ASB7: variants seen among roughly 807,000 people sequenced by gnomAD.
ASB7 encodes the protein ankyrin repeat and SOCS box containing 7.
Under a neutral mutation model 32.5 loss-of-function variants are expected in ASB7, and 4 were observed. The observed-to-expected ratio is 0.12, with a 90% CI of 0.06 to 0.28. The LOEUF is 0.28. Ranked by LOEUF, ASB7 falls within the 10% of genes least tolerant of loss-of-function variation. ASB7 has a pLI of 1.00. For missense variants in ASB7, 181 were observed against 407.1 expected, an observed-to-expected ratio of 0.44 and a Z score of 4.78; for synonymous variants, 172 against 155.6, an observed-to-expected ratio of 1.11 and a Z score of -0.78.
intron 5 of ASB7, among the ~76,000 whole-genome samples, chr15:100,630,663 C>T (rs573787771): frequency 5.9e-5 from 9 of 152,184 alleles, no homozygotes; most frequent in African/African-American, 1.9e-4. Flanking sequence ...TGTATTTGAA[C>T]GTTTTTGTGT....
At chr15:100,633,499 C>T (rs923484068) in intron 5 of ASB7, among the ~76,000 whole-genome samples, 2 of 152,070 alleles carry the variant, frequency 1.3e-5, no homozygotes, top group Admixed American at 1.3e-4. Context: ...ATCGCTTGAA[C>T]CCAGGAGGCA....
chr15:100,632,327 G>GA (rs2141401669), intron 5 of ASB7, among the ~76,000 whole-genome samples: 1 of 152,298 alleles, frequency 6.6e-6, no homozygotes, highest in South Asian at 2.1e-4. Flanking sequence ...CGTCTGTTAA[G>GA]GCTCCAGTTG....
chr15:100,638,078 A>G (rs2039936687), intron 5 of ASB7, among the ~76,000 whole-genome samples: 1 of 152,154 alleles, frequency 6.6e-6, no homozygotes, highest in Non-Finnish European at 1.5e-5. Flanking sequence ...AGTATAACTG[A>G]CATAAAGATT....
chr15:100,630,305 A>C, intron 5 of ASB7: 1 of 725,778 alleles, frequency 1.4e-6, no homozygotes, highest in Non-Finnish European at 1.9e-6. Context: ...CAGAGAGGAG[A>C]ATTTTTTTTA....
chr15:100,643,713 T>G (rs1047696447), intron 5 of ASB7, among the ~76,000 whole-genome samples: 24 of 151,266 alleles, frequency 1.6e-4, no homozygotes, highest in Admixed American at 2.6e-4. Context: ...CAGGATGGTC[T>G]CAATCTCCTG....
At chr15:100,626,643 C>G (rs2039841237) in intron 4 of ASB7, among the ~76,000 whole-genome samples, 1 of 152,072 alleles carries the variant, frequency 6.6e-6, no homozygotes, top group South Asian at 2.1e-4. Context: ...CTCTCTCTCT[C>G]TCTGTCTGTC....
intron 5 of ASB7, among the ~76,000 whole-genome samples, chr15:100,637,021 A>G (rs10162740): frequency 0.33 from 50,123 of 152,182 alleles, 9,439 homozygotes; most frequent in South Asian, 0.5. Flanking sequence ...AGGAAAAGAC[A>G]TTCCAATTCC....
In ASB7 at chr15:100,649,135, C is replaced by T. The variant is rs1489608896; in HGVS notation, c.*673C>T. Reference sequence around the variant, plus strand: ...TACACTACCCTGAGACACTGCATCTCGATTTCTATCTCTAGTTAGAGTTGT... The same window carrying T: ...TACACTACCCTGAGACACTGCATCTTGATTTCTATCTCTAGTTAGAGTTGT... On this transcript the variant is annotated 3_prime_UTR_variant, in exon 6 of 6. Coordinates refer to ENST00000332783, the MANE Select transcript of ASB7 (RefSeq NM_198243.3). 1 of 152,454 alleles carries T rather than the reference C, an allele frequency of 6.6e-6. No individual in the cohort carries two copies. Among genetic ancestry groups the T allele is most frequent in the Non-Finnish European group, 1.5e-5 (1 of 68,024 alleles). The allele number at this position is 152,454 out of a possible 1,614,324, so 9.4% of individuals were successfully genotyped here.
Position 100,635,652 on chromosome 15 carries a change from C to T in ASB7, c.817+5610C>T, listed in dbSNP as rs566487903. Among the ~76,000 whole-genome samples the T allele has an allele frequency of 5.6e-4, 86 of 152,340 alleles. 1 individual carries two copies. Among genetic ancestry groups the T allele is most frequent in the Admixed American group, 9.2e-4 (14 of 15,300 alleles). ...TTCTCGGCTTTCATCCTCTGTTACA[C>T]GGTGAAGCCCCATTGGTGCAGTTGT... On this transcript the variant is annotated intron_variant, in intron 5 of 5. Transcript: ENST00000332783.
intron 5 of ASB7, among the ~76,000 whole-genome samples, chr15:100,634,241 C>G (rs1216614368): frequency 6.6e-6 from 1 of 152,086 alleles, no homozygotes; most frequent in Non-Finnish European, 1.5e-5. Flanking sequence ...AATATGAAAT[C>G]TTTTAGAAAG....
chr15:100,650,811 T>G lies in ASB7; in HGVS notation c.*2349T>G, dbSNP rs899651013. On this transcript the variant is annotated 3_prime_UTR_variant, in exon 6 of 6. Coordinates refer to ENST00000332783, the MANE Select transcript of ASB7 (RefSeq NM_198243.3). ...CTGGAAGCTTAAAAAGAATGTTTTA[T>G]TTTTGTTGTTAATAAAATCCCAATC... 3.3e-5 allele frequency: 5 copies of G among 152,244 alleles called. No homozygotes were observed. Among genetic ancestry groups the G allele is most frequent in the African/African-American group, 1.2e-4 (5 of 41,458 alleles). The allele number at this position is 152,244 out of a possible 1,614,324, so 9.4% of individuals were successfully genotyped here.
At chr15:100,607,773 T>C (rs1346027618) in intron 2 of ASB7, among the ~76,000 whole-genome samples, 2 of 152,198 alleles carry the variant, frequency 1.3e-5, no homozygotes, top group African/African-American at 4.8e-5. Flanking sequence ...TCTGTAGACA[T>C]TTGTTTGTTT....
intron 5 of ASB7, among the ~76,000 whole-genome samples, chr15:100,640,668 C>T (rs1453447530): frequency 2.0e-5 from 3 of 152,182 alleles, no homozygotes; most frequent in African/African-American, 7.2e-5. Flanking sequence ...TCATTTTGCT[C>T]ACTTTGGGTA....
At chr15:100,640,717 G>T (rs1027283244) in intron 5 of ASB7, among the ~76,000 whole-genome samples, 1 of 152,012 alleles carries the variant, frequency 6.6e-6, no homozygotes, top group African/African-American at 2.4e-5. Flanking sequence ...ATGAATCCAG[G>T]TATTTTTAAA....
intron 5 of ASB7, among the ~76,000 whole-genome samples, chr15:100,637,626 C>T (rs893101187): frequency 4.6e-5 from 7 of 152,136 alleles, no homozygotes; most frequent in Middle Eastern, 3.2e-3. Flanking sequence ...TAACAGAGTA[C>T]GAAAGTTCAT....
chr15:100,628,380 CTGTG>C (rs368041624), intron 4 of ASB7, among the ~76,000 whole-genome samples: 183 of 152,122 alleles, frequency 1.2e-3, no homozygotes, highest in African/African-American at 4.0e-3. Flanking sequence ...CCTGTGGAGG[CTGTG>C]TGTGTGTATG....
chr15:100,621,573 TTAAAA>T (rs2039792514), intron 4 of ASB7, among the ~76,000 whole-genome samples: 1 of 152,150 alleles, frequency 6.6e-6, no homozygotes, highest in African/African-American at 2.4e-5. Context: ...ATTTCATCTT[TTAAAA>T]TAAAAGACAA....
chr15:100,643,456 C>A (rs2039974777), intron 5 of ASB7, among the ~76,000 whole-genome samples: 1 of 149,498 alleles, frequency 6.7e-6, no homozygotes, highest in South Asian at 2.1e-4. Flanking sequence ...ATTCCATAAC[C>A]TTTTGTCTCA....
intron 2 of ASB7, among the ~76,000 whole-genome samples, chr15:100,608,339 G>A (rs2039665320): frequency 6.6e-6 from 1 of 152,182 alleles, no homozygotes; most frequent in African/African-American, 2.4e-5. Context: ...ACCACCTTGA[G>A]GAGAGACTAC....
Sources: gnomAD v4.1 joint callset for allele counts (sites outside exome capture counted in the v4.1 genomes callset) on GRCh38, gnomAD v4.1.1 for gene constraint, MANE v1.5 for transcripts, NCBI Gene and HGNC (gene_info 2026-07-23, HGNC 2026-07-21) for gene names.